Variants in NECTIN2 observed in about 807,000 individuals in gnomAD.
NECTIN2 encodes the protein nectin-2.
NECTIN2 carries 23 observed loss-of-function variants against 56.9 expected under a neutral mutation model. The ratio of observed to expected loss-of-function variants is 0.40; its 90% CI spans 0.29 to 0.57. The LOEUF is 0.57. Ranked by LOEUF, NECTIN2 falls within the 20% of genes least tolerant of loss-of-function variation. NECTIN2 has a pLI of 0.38. For missense variants in NECTIN2, 587 were observed against 718.3 expected (o/e 0.82, Z 2.09); for synonymous variants, 302 against 313.8 (o/e 0.96, Z 0.40).
intron 2 of NECTIN2, among the ~76,000 whole-genome samples, chr19:44,870,792 C>T (rs190323699): frequency 5.2e-4 from 78 of 150,754 alleles, no homozygotes; most frequent in Middle Eastern, 3.4e-3. Context: ...TGCAGTGGCA[C>T]GATCTCGGCT....
In NECTIN2 at chr19:44,872,298, C is replaced by T. The variant is rs1429075150; in HGVS notation, c.775+149C>T. 3.8e-6 allele frequency: 3 copies of T among 799,242 alleles called. No homozygotes were observed. In the South Asian group the frequency reaches 5.4e-5, roughly 14 times the overall value. 49.5% of individuals were successfully genotyped at this position (799,242 alleles called of 1,614,324 possible). On this transcript the variant is annotated intron_variant, in intron 3 of 8. Transcript: ENST00000252483. ...CTTCCTGCCATTGTCTACACTGGCT[C>T]CCATGGGCAAATCTACATACTTCCC...
intron 6 of NECTIN2, among the ~76,000 whole-genome samples, chr19:44,884,518 A>G (rs1015840103): frequency 3.9e-5 from 6 of 152,180 alleles, no homozygotes; most frequent in African/African-American, 1.4e-4. Flanking sequence ...CTGTTACACC[A>G]CTGTCTTAAT....
chr19:44,865,766 C>T lies in NECTIN2; in HGVS notation c.478+106C>T. On this transcript the variant is annotated intron_variant, in intron 2 of 8. Transcript: ENST00000252483. The surrounding 1 kb of genome is among the most constrained non-coding windows in gnomAD (Gnocchi z 5.2). ...TGGCTTCAGCTGTGAGGTTCACATT[C>T]TCTGTGGGTTTCCATCCATCAGCAA... is the stretch of plus-strand genomic sequence containing the variant. 2 of 1,259,650 alleles carry T rather than the reference C, an allele frequency of 1.6e-6. No homozygotes were observed. Among genetic ancestry groups the T allele is most frequent in the Non-Finnish European group, 2.1e-6 (2 of 942,244 alleles). 78.0% of individuals were successfully genotyped at this position (1,259,650 alleles called of 1,614,324 possible).
At position 44,887,522 on chromosome 19, in the gene NECTIN2, G is replaced by A. The variant is rs1969374015; in HGVS notation, c.1348-588G>A. Among the ~76,000 whole-genome samples the A allele has an allele frequency of 2.0e-5, 3 of 152,138 alleles. No homozygotes were observed. The South Asian group carries it at 6.2e-4, about 32-fold the overall frequency. On this transcript the variant is annotated intron_variant, in intron 8 of 8. Coordinates refer to ENST00000252483, the MANE Select transcript of NECTIN2 (RefSeq NM_001042724.2). ...TAGCTGGGCGTGGTGGCGGGCGCCT[G>A]TAATCCCAGCTACTTGGGAGGCTGA...
Position 44,874,502 on chromosome 19 carries a change from T to A in NECTIN2, c.1042+24T>A, listed in dbSNP as rs563694507. On this transcript the variant is annotated intron_variant, in intron 5 of 8. Transcript: ENST00000252483. The surrounding 1 kb of genome is among the most constrained non-coding windows in gnomAD (Gnocchi z 6.3). ...AGGTGAGTGGGTCTTGGGGGCCGTG[T>A]GTGGAGACCTGGGTCCGCTCCCCTG... is the stretch of plus-strand genomic sequence containing the variant. The A allele has an allele frequency of 1.2e-6, 2 of 1,610,594 alleles. No individual in the cohort carries two copies. Among genetic ancestry groups the A allele is most frequent in the African/African-American group, 1.3e-5 (1 of 75,024 alleles).
chr19:44,879,480 G>A (rs1302252713), intron 5 of NECTIN2, among the ~76,000 whole-genome samples: 2 of 152,006 alleles, frequency 1.3e-5, no homozygotes, highest in African/African-American at 2.4e-5. Context: ...GGCAGGCGGG[G>A]GGTGCTGGGG....
intron 5 of NECTIN2, chr19:44,878,534 A>T (rs574849883): frequency 7.4e-6 from 12 of 1,613,870 alleles, no homozygotes; most frequent in Non-Finnish European, 1.0e-5. Flanking sequence ...GAAAGGCCTC[A>T]TGTTGCCTCC....
chr19:44,868,363 A>G (rs1336515769), intron 2 of NECTIN2, among the ~76,000 whole-genome samples: 1 of 151,860 alleles, frequency 6.6e-6, no homozygotes, highest in South Asian at 2.1e-4. Flanking sequence ...AAAAAAAAAA[A>G]AAAAAAATAG....
At chr19:44,877,389 C>T (rs910259084) in intron 5 of NECTIN2, among the ~76,000 whole-genome samples, 13 of 152,278 alleles carry the variant, frequency 8.5e-5, no homozygotes, top group Admixed American at 5.9e-4. Flanking sequence ...ACACTGCCCT[C>T]CTCAGCACTT....
In NECTIN2 at chr19:44,882,359, C is replaced by A; in HGVS notation, c.1191C>A (p.Asp397Glu). The stretch of plus-strand genomic sequence containing the variant: ...AGACGCTGCAGGGGGCAGAGGAGGA[C>A]GAAGAGTAAGTGATGGGCCCTGAGA... ...KEQTLQGAEE[D>E]EDLEGPPSYK... The change falls in exon 6 of 9, where the codon GAC (aspartate) becomes GAA (glutamate). Residue 397 changes from aspartate (D) to glutamate (E), a missense_variant. Transcript: ENST00000252483. 1 of 1,435,494 alleles carries A rather than the reference C, an allele frequency of 7.0e-7. No homozygotes were observed. The highest frequency in any genetic ancestry group is 9.2e-7 in the Non-Finnish European group (1 of 1,082,548). 88.9% of individuals were successfully genotyped at this position (1,435,494 alleles called of 1,614,324 possible).
rs747831978 is a variant in NECTIN2 at position 44,873,904 on chromosome 19, C to T, written c.776-12C>T. 3.8e-6 allele frequency: 6 copies of T among 1,594,416 alleles called. No homozygotes were observed. Among genetic ancestry groups the T allele is most frequent in the African/African-American group, 2.7e-5 (2 of 74,462 alleles). ...CTCCTCCTTGCTGATCCAGTCCCCC[C>T]ATTTCCCCCAGACCCTCCTGAAGTG... On this transcript the variant is annotated splice_polypyrimidine_tract_variant and intron_variant, in intron 3 of 8. Transcript: ENST00000252483.
Position 44,869,198 on chromosome 19 carries a change from C to A in NECTIN2, c.479-2655C>A, listed in dbSNP as rs879262174. Among the ~76,000 whole-genome samples the A allele has an allele frequency of 3.9e-5, 6 of 152,172 alleles. No individual in the cohort carries two copies. The Middle Eastern group carries it at 0.01, about 259-fold the overall frequency. Reference sequence around the variant, plus strand: ...ATCCAGAGATAACTTCAGGGCTGGGCACGGTGGCTCACACCTGTAATCCCA... The same window carrying A: ...ATCCAGAGATAACTTCAGGGCTGGGAACGGTGGCTCACACCTGTAATCCCA... On this transcript the variant is annotated intron_variant, in intron 2 of 8. Coordinates refer to ENST00000252483, the MANE Select transcript of NECTIN2 (RefSeq NM_001042724.2).
intron 2 of NECTIN2, among the ~76,000 whole-genome samples, chr19:44,869,682 T>C (rs186079875): frequency 9.2e-5 from 14 of 151,728 alleles, no homozygotes; most frequent in African/African-American, 3.1e-4. Flanking sequence ...GGAGCATAGA[T>C]TGAAGTTGCC....
chr19:44,885,825 AG>A (rs543366457), intron 6 of NECTIN2, 111 bp from the exon 7 acceptor site: 49 of 839,348 alleles, frequency 5.8e-5, no homozygotes, highest in South Asian at 5.3e-4. Flanking sequence ...AGGCAAGAAA[AG>A]GGGGCAGGGG....
At chr19:44,868,848 C>A (rs1969135935) in intron 2 of NECTIN2, among the ~76,000 whole-genome samples, 1 of 151,388 alleles carries the variant, frequency 6.6e-6, no homozygotes, top group Non-Finnish European at 1.5e-5. Flanking sequence ...GGAGGCGGAG[C>A]TTGCAGTGAG....
chr19:44,885,863 G>A, intron 6 of NECTIN2, 74 bp from the exon 7 acceptor site: 1 of 1,246,212 alleles, frequency 8.0e-7, no homozygotes. Context: ...AGAGGGAACA[G>A]CATGTGCCAT....
chr19:44,884,625 A>C (rs946101090), intron 6 of NECTIN2, among the ~76,000 whole-genome samples: 1 of 152,218 alleles, frequency 6.6e-6, no homozygotes, highest in Non-Finnish European at 1.5e-5. Context: ...GGAGCTCACA[A>C]TATGGAGGAG....
intron 1 of NECTIN2, among the ~76,000 whole-genome samples, chr19:44,862,811 G>A (rs1008128043): frequency 2.6e-5 from 4 of 151,410 alleles, no homozygotes; most frequent in Non-Finnish European, 4.4e-5. Flanking sequence ...TCAGGCGTTC[G>A]AGGCCAGCCT....
rs749337040 is a variant in NECTIN2, at chr19:44,865,480, A to G, written c.298A>G (p.Ser100Gly). ...GPSFPSPKPG[S>G]ERLSFVSAKQ... ...CAGCTTCCCCAGCCCGAAGCCTGGC[A>G]GCGAGCGGCTGTCCTTCGTCTCTGC... Residue 100 changes from serine (S) to glycine (G), a missense_variant, in exon 2 of 9, where the codon AGC becomes GGC. By Grantham distance (56) the Ser-to-Gly change is moderately conservative. Transcript: ENST00000252483. The surrounding 1 kb of genome is among the most constrained non-coding windows in gnomAD (Gnocchi z 5.2). 18 of 1,612,096 alleles carry G rather than the reference A, an allele frequency of 1.1e-5. No homozygotes were observed. In the East Asian group the frequency reaches 2.9e-4, roughly 26 times the overall value.
Sources: gnomAD v4.1 joint callset for allele counts (sites outside exome capture counted in the v4.1 genomes callset) on GRCh38, gnomAD v4.1.1 for gene constraint, Gnocchi (gnomAD v3.1) non-coding constraint, MANE v1.5 for transcripts, NCBI Gene and HGNC (gene_info 2026-07-23, HGNC 2026-07-21) for gene names.